The following DCC variants were observed in gnomAD, a reference collection of about 807,000 sequenced individuals.
DCC encodes the protein DCC netrin 1 receptor.
Under a neutral mutation model 172.5 loss-of-function variants are expected in DCC, and 58 were observed. The observed-to-expected ratio is 0.34, with a 90% confidence interval of 0.27 to 0.42. The LOEUF (loss-of-function observed/expected upper bound fraction) is 0.42, where lower values mean the gene tolerates loss of function less well. Among genes scored for constraint, DCC ranks in the 10% least tolerant of loss-of-function variants. The pLI is 1.00. For missense variants in DCC, 1,740 were observed against 1,791.0 expected (o/e 0.97, Z 0.51); for synonymous variants, 709 against 644.5 (o/e 1.10, Z -1.52).
At chr18:52,869,740 G>A (rs971072527) in intron 2 of DCC, among the ~76,000 whole-genome samples, 2 of 152,216 alleles carry the variant, frequency 1.3e-5, no homozygotes, top group African/African-American at 4.8e-5. Flanking sequence ...TGGCGTGTCA[G>A]CACTGCCCTG....
rs372147605 is a variant in DCC at position 53,435,933 on chromosome 18, T to G, written c.3229+724T>G. ...GACTAATGTATGTATGAGGCCATGT[T>G]ATAAGTTTCTTTTTCATTATTGCTG... On this transcript the variant is annotated intron_variant, in intron 22 of 28. Coordinates refer to ENST00000442544, the MANE Select transcript of DCC (RefSeq NM_005215.4). 3.2e-4 allele frequency among the ~76,000 whole-genome samples: 48 copies of G among 152,334 alleles called. No homozygotes were observed. In the East Asian group the frequency reaches 8.1e-3, roughly 26 times the overall value.
chr18:52,718,941 C>T (rs1157217856), intron 1 of DCC, among the ~76,000 whole-genome samples: 1 of 152,202 alleles, frequency 6.6e-6, no homozygotes, highest in Non-Finnish European at 1.5e-5. Flanking sequence ...TATTCTCTCA[C>T]AGCTGTGGAG....
At chr18:53,517,569 T>C (rs1172830315) in intron 27 of DCC, among the ~76,000 whole-genome samples, 2 of 152,016 alleles carry the variant, frequency 1.3e-5, no homozygotes, top group African/African-American at 2.4e-5. Flanking sequence ...AACCCTCTCG[T>C]CTCATTTTTC....
chr18:52,435,608 G>A (rs1438967122), intron 1 of DCC, among the ~76,000 whole-genome samples: 15 of 152,236 alleles, frequency 9.9e-5, no homozygotes, highest in Admixed American at 2.6e-4. Context: ...TTATCTCAAC[G>A]GTGATAGTGA....
intron 2 of DCC, among the ~76,000 whole-genome samples, chr18:52,832,302 G>T (rs2038629783): frequency 6.6e-6 from 1 of 152,256 alleles, no homozygotes; most frequent in Admixed American, 6.5e-5. Context: ...AATGGGCGAA[G>T]CCTGGTGCCA....
intron 7 of DCC, among the ~76,000 whole-genome samples, chr18:53,088,814 C>T (rs964200789): frequency 1.3e-5 from 2 of 152,116 alleles, no homozygotes; most frequent in Admixed American, 6.5e-5. Context: ...TTTTGTGTTA[C>T]ATTTAAGTTA....
intron 1 of DCC, among the ~76,000 whole-genome samples, chr18:52,650,356 T>A (rs1242800246): frequency 6.6e-6 from 1 of 152,104 alleles, no homozygotes; most frequent in South Asian, 2.1e-4. Flanking sequence ...GATGAGAGGA[T>A]GAGATGAGAG....
chr18:53,449,076 C>T (rs1030513615), intron 22 of DCC, among the ~76,000 whole-genome samples: 2 of 152,014 alleles, frequency 1.3e-5, no homozygotes, highest in Non-Finnish European at 2.9e-5. Context: ...GATGGAGGCA[C>T]TGAGGTACAG....
Position 53,472,205 on chromosome 18 carries a change from C to A in DCC, c.3736+4195C>A, listed in dbSNP as rs563949351. Among the ~76,000 whole-genome samples, 3 of 152,236 alleles carry A rather than the reference C, an allele frequency of 2.0e-5. No individual in the cohort carries two copies. The East Asian group carries it at 5.8e-4, about 29-fold the overall frequency. On this transcript the variant is annotated intron_variant, in intron 25 of 28. Coordinates refer to ENST00000442544, the MANE Select transcript of DCC (RefSeq NM_005215.4). ...TAGTAAGCACTATTGTTATGCGTCTCATTGTTAGGTTCTCTCATTTACTAG... is the reference window on the plus strand; with the variant it reads ...TAGTAAGCACTATTGTTATGCGTCTAATTGTTAGGTTCTCTCATTTACTAG...
chr18:52,658,615 G>T (rs987983283), intron 1 of DCC, among the ~76,000 whole-genome samples: 1 of 152,036 alleles, frequency 6.6e-6, no homozygotes, highest in African/African-American at 2.4e-5. Context: ...AATATGATGA[G>T]ATTAAAAGGT....
intron 15 of DCC, among the ~76,000 whole-genome samples, chr18:53,342,145 A>C (rs1016310836): frequency 1.3e-5 from 2 of 152,066 alleles, no homozygotes; most frequent in Admixed American, 1.3e-4. Flanking sequence ...CTATTTCATG[A>C]GAGAGCAAGA....
At chr18:53,511,596 G>T (rs1372515372) in intron 27 of DCC, among the ~76,000 whole-genome samples, 1 of 152,200 alleles carries the variant, frequency 6.6e-6, no homozygotes, top group Non-Finnish European at 1.5e-5. Context: ...CAGGTCAGTG[G>T]GTGCGCACAC....
rs750501962 is a variant in DCC at position 53,397,337 on chromosome 18, A to G, written c.2718A>G (p.Thr906=). The G allele has an allele frequency of 6.2e-7, 1 of 1,613,908 alleles. No homozygotes were observed. Among genetic ancestry groups the G allele is most frequent in the South Asian group, 1.1e-5 (1 of 91,054 alleles). Residue 906 remains threonine (T), a synonymous_variant, in exon 18 of 29, where the codon ACA becomes ACG. Transcript: ENST00000442544. ...KSEDTTSLSY[T]ATGLKPNTMY... The stretch of plus-strand genomic sequence containing the variant: ...AAGACACAACATCTCTAAGTTACAC[A>G]GCAACAGGCCTCAAACCAAACACAA...
chr18:52,970,559 TATAA>T (rs1267649437), intron 5 of DCC, among the ~76,000 whole-genome samples: 1 of 152,192 alleles, frequency 6.6e-6, no homozygotes, highest in African/African-American at 2.4e-5. Context: ...TAGAATATGG[TATAA>T]ATAAATGTGT....
intron 1 of DCC, among the ~76,000 whole-genome samples, chr18:52,711,678 G>C (rs2145056309): frequency 6.6e-6 from 1 of 152,230 alleles, no homozygotes. Context: ...TTATTTAGGA[G>C]AGGATGGAAG....
chr18:52,793,776 T>C (rs368897685), intron 2 of DCC, among the ~76,000 whole-genome samples: 3 of 152,218 alleles, frequency 2.0e-5, no homozygotes, highest in African/African-American at 4.8e-5. Context: ...TTGAGTCTTA[T>C]GTTTAACTCT....
At position 53,257,560 on chromosome 18, in the gene DCC, G is replaced by A. The variant is rs915114516; in HGVS notation, c.1911+41963G>A. On this transcript the variant is annotated intron_variant, in intron 12 of 28. Transcript: ENST00000442544. Reference sequence around the variant, plus strand: ...ACCAGCCTTGCATCCCAGGGATGAAGCCCACTTGATCATAGTGGATAAGCT... The same window carrying A: ...ACCAGCCTTGCATCCCAGGGATGAAACCCACTTGATCATAGTGGATAAGCT... Among the ~76,000 whole-genome samples the A allele has an allele frequency of 2.6e-5, 4 of 152,318 alleles. 1 individual carries two copies. Among genetic ancestry groups the A allele is most frequent in the African/African-American group, 9.6e-5 (4 of 41,574 alleles).
At position 52,501,141 on chromosome 18, in the gene DCC, A is replaced by G. The variant is rs191243428; in HGVS notation, c.91+160263A>G. Among the ~76,000 whole-genome samples, 251 of 152,238 alleles carry G rather than the reference A, an allele frequency of 1.6e-3. 1 individual carries two copies. The highest frequency in any genetic ancestry group is 5.9e-3 in the African/African-American group (244 of 41,546). ...GAAATCTTCGCACGTTGGTAATTTTATATTAGAGATTTTGCTCATCAGTTT... is the reference window on the plus strand; with the variant it reads ...GAAATCTTCGCACGTTGGTAATTTTGTATTAGAGATTTTGCTCATCAGTTT... On this transcript the variant is annotated intron_variant, in intron 1 of 28. Coordinates refer to ENST00000442544, the MANE Select transcript of DCC (RefSeq NM_005215.4).
In DCC at chr18:53,169,431, T is replaced by C. The variant is rs186597421; in HGVS notation, c.1419-9531T>C. Among the ~76,000 whole-genome samples, 448 of 152,340 alleles carry C rather than the reference T, an allele frequency of 2.9e-3. 3 individuals carry two copies. The highest frequency in any genetic ancestry group is 5.2e-3 in the Non-Finnish European group (352 of 68,034). On this transcript the variant is annotated intron_variant, in intron 8 of 28. Coordinates refer to ENST00000442544, the MANE Select transcript of DCC (RefSeq NM_005215.4). Reference sequence around the variant, plus strand: ...CAGACTTCGTATATTTGATGCTCTATGTGAATTTTCATTGAGTAAATTTGC... The same window carrying C: ...CAGACTTCGTATATTTGATGCTCTACGTGAATTTTCATTGAGTAAATTTGC...
Sources: allele counts gnomAD v4.1 joint callset (sites outside exome capture counted in the v4.1 genomes callset), GRCh38; gene constraint gnomAD v4.1.1; transcripts MANE v1.5; gene names NCBI Gene and HGNC (gene_info 2026-07-23, HGNC 2026-07-21).